Variants in PLPP1 observed in about 807,000 individuals in gnomAD.
PLPP1 encodes the protein lipid phosphate phosphohydrolase 1a.
PLPP1 carries 24 observed loss-of-function variants against 31.2 expected under a neutral mutation model. That is an observed-to-expected ratio of 0.77 (90% CI 0.56 to 1.08). The LOEUF (loss-of-function observed/expected upper bound fraction) is 1.08, where lower values mean the gene tolerates loss of function less well. Among genes scored for constraint, PLPP1 ranks in the 50% least tolerant of loss-of-function variants. The pLI, the probability that PLPP1 is intolerant of heterozygous loss-of-function variation, is 0.00. For missense variants in PLPP1, 319 were observed against 342.7 expected, an observed-to-expected ratio of 0.93 and a Z score of 0.55; for synonymous variants, 146 against 126.3, an observed-to-expected ratio of 1.16 and a Z score of -1.05.
intron 1 of PLPP1, among the ~76,000 whole-genome samples, chr5:55,487,265 T>C (rs892895752): frequency 1.3e-5 from 2 of 152,130 alleles, no homozygotes; most frequent in Non-Finnish European, 2.9e-5. Context: ...TTACTATCAT[T>C]ACTCTGAAAG....
intron 1 of PLPP1, among the ~76,000 whole-genome samples, chr5:55,485,275 T>C (rs1455614749): frequency 6.6e-6 from 1 of 152,154 alleles, no homozygotes; most frequent in African/African-American, 2.4e-5. Context: ...AGTGTCAGAA[T>C]TGAATTACAG....
At chr5:55,499,571 TG>T (rs1753089041) in intron 1 of PLPP1, among the ~76,000 whole-genome samples, 1 of 152,128 alleles carries the variant, frequency 6.6e-6, no homozygotes, top group Non-Finnish European at 1.5e-5. Context: ...AACACAAACA[TG>T]CTCCAGAGAA....
At chr5:55,441,830 C>A in intron 4 of PLPP1, 21 bp downstream of exon 4, 1 of 1,608,660 alleles carries the variant, frequency 6.2e-7, no homozygotes, top group South Asian at 1.1e-5. Context: ...ACCTAACCGT[C>A]AACAGACACA....
At position 55,507,858 on chromosome 5, in the gene PLPP1, C is replaced by CT. The variant is rs5867988; in HGVS notation, c.58+26713dup. Among the ~76,000 whole-genome samples the CT allele has an allele frequency of 1.9e-3, 247 of 133,266 alleles. 1 individual carries two copies. Among genetic ancestry groups the CT allele is most frequent in the African/African-American group, 5.7e-3 (209 of 36,638 alleles). 87.4% of individuals were successfully genotyped at this position (133,266 alleles called of 152,430 possible). Reference sequence around the variant, plus strand: ...ATATCTGCACACTGATCACTGAAAACTTTTTTTTTTTTTTTTGAGACAAGA... The same window carrying CT: ...ATATCTGCACACTGATCACTGAAAACTTTTTTTTTTTTTTTTTGAGACAAGA... On this transcript the variant is annotated intron_variant, in intron 1 of 5. Transcript: ENST00000307259.
intron 1 of PLPP1, among the ~76,000 whole-genome samples, chr5:55,501,600 G>A (rs538804976): frequency 6.6e-6 from 1 of 152,244 alleles, no homozygotes; most frequent in Admixed American, 6.5e-5. Context: ...CAACTCCTGG[G>A]TTCAAGCAAT....
rs369388777 is a variant in PLPP1 at position 55,448,860 on chromosome 5, A to C, written c.492-6952T>G. On this transcript the variant is annotated intron_variant, in intron 3 of 5. Transcript: ENST00000307259. ...TGGATGCTCAAGTCCCTGATATAAA[A>C]TGACACAGTATTTGCATATAACCTA... is the stretch of plus-strand genomic sequence containing the variant. Among the ~76,000 whole-genome samples the C allele has an allele frequency of 1.3e-3, 203 of 152,334 alleles. 2 individuals carry two copies. In the Middle Eastern group the frequency reaches 0.024, roughly 18 times the overall value.
chr5:55,448,240 ATACT>A (rs1168896843), intron 3 of PLPP1, among the ~76,000 whole-genome samples: 1 of 152,206 alleles, frequency 6.6e-6, no homozygotes, highest in African/African-American at 2.4e-5. Context: ...CACATCTAAG[ATACT>A]TAAGGAATCA....
chr5:55,457,769 G>A (rs540614806), intron 3 of PLPP1, among the ~76,000 whole-genome samples: 5 of 151,788 alleles, frequency 3.3e-5, no homozygotes, highest in Admixed American at 6.6e-5. Context: ...GGCGCCTGTA[G>A]TCCCAGCTAC....
At chr5:55,469,999 A>G (rs1021612646) in intron 2 of PLPP1, among the ~76,000 whole-genome samples, 1 of 152,254 alleles carries the variant, frequency 6.6e-6, no homozygotes, top group Non-Finnish European at 1.5e-5. Flanking sequence ...GTTAAGCCCC[A>G]TAAAAATACA....
chr5:55,450,743 CA>C (rs1183901748), intron 3 of PLPP1, among the ~76,000 whole-genome samples: 5 of 152,088 alleles, frequency 3.3e-5, no homozygotes, highest in Non-Finnish European at 4.4e-5. Context: ...AAACTACAGT[CA>C]AAAAGGAAAC....
At chr5:55,524,977 C>T (rs1199909254) in intron 1 of PLPP1, among the ~76,000 whole-genome samples, 5 of 146,204 alleles carry the variant, frequency 3.4e-5, no homozygotes, top group South Asian at 2.2e-4. Flanking sequence ...TTTTTCCATT[C>T]GTTTAATTAC....
chr5:55,530,729 G>T (rs1486152725), intron 1 of PLPP1: 1 of 1,573,728 alleles, frequency 6.4e-7, no homozygotes, highest in African/African-American at 1.4e-5. Context: ...CGACACAGGG[G>T]ACAATGTGCT....
intron 1 of PLPP1, among the ~76,000 whole-genome samples, chr5:55,487,860 G>A (rs1336877048): frequency 6.6e-6 from 1 of 152,182 alleles, no homozygotes; most frequent in Non-Finnish European, 1.5e-5. Flanking sequence ...CGGGCGTGGT[G>A]GCTCACGCCT....
At chr5:55,463,167 C>T (rs1426722062) in intron 3 of PLPP1, among the ~76,000 whole-genome samples, 1 of 151,894 alleles carries the variant, frequency 6.6e-6, no homozygotes, top group Non-Finnish European at 1.5e-5. Flanking sequence ...GGAAACATCA[C>T]ACACCGGGGC....
chr5:55,479,022 GA>G (rs1414243328), intron 1 of PLPP1, among the ~76,000 whole-genome samples: 2 of 124,038 alleles, frequency 1.6e-5, no homozygotes, highest in Admixed American at 8.9e-5. Context: ...AAGCCTATGA[GA>G]TTTTTTTTTT....
chr5:55,524,394 G>A (rs1233416289), intron 1 of PLPP1, among the ~76,000 whole-genome samples: 2 of 152,216 alleles, frequency 1.3e-5, no homozygotes, highest in African/African-American at 4.8e-5. Context: ...GGTTTAGGGA[G>A]AGGGAGGATA....
At chr5:55,425,838 G>GTA (rs781226782) in intron 5 of PLPP1, 25 bp downstream of exon 5, 3 of 1,518,134 alleles carry the variant, frequency 2.0e-6, no homozygotes, top group Non-Finnish European at 1.8e-6. Flanking sequence ...ATATCAAGAT[G>GTA]TAGGCTGTTG....
chr5:55,485,885 C>A (rs1266719565), intron 1 of PLPP1, among the ~76,000 whole-genome samples: 1 of 152,100 alleles, frequency 6.6e-6, no homozygotes, highest in Non-Finnish European at 1.5e-5. Flanking sequence ...TTACTTATTT[C>A]CAATTTTCTT....
intron 1 of PLPP1, among the ~76,000 whole-genome samples, chr5:55,496,899 G>C (rs1753013991): frequency 6.6e-6 from 1 of 151,970 alleles, no homozygotes; most frequent in African/African-American, 2.4e-5. Flanking sequence ...TATTCCAATG[G>C]AATAAATCTA....
Sources: gnomAD v4.1 joint callset for allele counts (sites outside exome capture counted in the v4.1 genomes callset) on GRCh38, gnomAD v4.1.1 for gene constraint, MANE v1.5 for transcripts, NCBI Gene and HGNC (gene_info 2026-07-23, HGNC 2026-07-21) for gene names.